Variants in FLVCR2 observed in about 807,000 individuals in gnomAD.
The protein encoded by FLVCR2 is choline/ethanolamine transporter FLVCR2.
FLVCR2 carries 38 observed loss-of-function variants against 48.9 expected under a neutral mutation model. The ratio of observed to expected loss-of-function variants is 0.78; its 90% CI spans 0.60 to 1.02. FLVCR2 has a LOEUF of 1.02. FLVCR2 is among the 50% of genes least tolerant of loss of function. FLVCR2 has a pLI of 0.00. For missense variants in FLVCR2, 664 were observed against 663.3 expected, an observed-to-expected ratio of 1.00 and a Z score of -0.01; for synonymous variants, 255 against 257.0, an observed-to-expected ratio of 0.99 and a Z score of 0.07.
intron 1 of FLVCR2, among the ~76,000 whole-genome samples, chr14:75,586,170 G>C (rs1398871054): frequency 6.6e-6 from 1 of 152,250 alleles, no homozygotes; most frequent in African/African-American, 2.4e-5. Flanking sequence ...TCCGAAAAAG[G>C]AGTCAGCAAA....
At chr14:75,633,017 G>C in intron 3 of FLVCR2, 1 of 701,528 alleles carries the variant, frequency 1.4e-6, no homozygotes, top group Non-Finnish European at 2.6e-6. Context: ...ATTCGCTAAA[G>C]ATACAGCCTT....
intron 1 of FLVCR2, among the ~76,000 whole-genome samples, chr14:75,585,396 T>C (rs1222035741): frequency 6.6e-6 from 1 of 152,162 alleles, no homozygotes; most frequent in African/African-American, 2.4e-5. Flanking sequence ...CCAAGCGGGA[T>C]TGCAGAAGAA....
rs781206373 is a variant in FLVCR2, at chr14:75,579,029, C to A, written c.57C>A (p.Ser19=). Residue 19 remains serine (S), a synonymous_variant, in exon 1 of 10, where the codon TCC becomes TCA. Transcript: ENST00000238667. The part of the protein sequence containing the change: ...EESDDTPVPE[S]ALQADPSVSV... ...GCGATGACACCCCTGTGCCGGAGTC[C>A]GCACTCCAAGCGGACCCCAGCGTCT... is the stretch of plus-strand genomic sequence containing the variant. 6.2e-7 allele frequency: 1 copy of A among 1,614,076 alleles called. No homozygotes were observed. Among genetic ancestry groups the A allele is most frequent in the Non-Finnish European group, 8.5e-7 (1 of 1,180,014 alleles).
At chr14:75,608,416 C>T (rs543297239) in intron 1 of FLVCR2, among the ~76,000 whole-genome samples, 8 of 152,290 alleles carry the variant, frequency 5.3e-5, no homozygotes, top group Non-Finnish European at 1.2e-4. Flanking sequence ...TGCAGAGGGG[C>T]CTTTTGCCAG....
At chr14:75,601,239 C>T (rs1732306697) in intron 1 of FLVCR2, among the ~76,000 whole-genome samples, 1 of 152,398 alleles carries the variant, frequency 6.6e-6, no homozygotes, top group South Asian at 2.1e-4. Context: ...TTGTTTGTGG[C>T]TTAAGAATGC....
chr14:75,639,817 G>A (rs1259437736), intron 6 of FLVCR2, among the ~76,000 whole-genome samples: 1 of 152,150 alleles, frequency 6.6e-6, no homozygotes, highest in African/African-American at 2.4e-5. Context: ...CTGCCTACCT[G>A]TTAGACCATG....
In FLVCR2 at chr14:75,614,838, C is replaced by T. The variant is rs557397862; in HGVS notation, c.670-7241C>T. Among the ~76,000 whole-genome samples the T allele has an allele frequency of 3.1e-4, 47 of 152,056 alleles. 1 individual carries two copies. The highest frequency in any genetic ancestry group is 6.8e-3 in the Middle Eastern group (2 of 294). On this transcript the variant is annotated intron_variant, in intron 1 of 9. Coordinates refer to ENST00000238667, the MANE Select transcript of FLVCR2 (RefSeq NM_017791.3). ...TCTTACATGGTGGTAGGCAAGAGAG[C>T]GAGAGAGAGAGCGTCTGAAGGAGGA...
At chr14:75,584,422 C>G (rs372624988) in intron 1 of FLVCR2, among the ~76,000 whole-genome samples, 3 of 152,252 alleles carry the variant, frequency 2.0e-5, no homozygotes, top group South Asian at 2.1e-4. Context: ...GAGAATAAGG[C>G]GCCTTCCGGC....
chr14:75,631,714 G>C (rs1446640774), intron 3 of FLVCR2: 10 of 454,800 alleles, frequency 2.2e-5, no homozygotes, highest in Admixed American at 7.1e-5. Flanking sequence ...ATGGGAAGAC[G>C]GGAGGAGACT....
intron 1 of FLVCR2, among the ~76,000 whole-genome samples, chr14:75,589,905 A>AGC (rs1317897409): frequency 1.3e-5 from 2 of 152,216 alleles, no homozygotes; most frequent in African/African-American, 2.4e-5. Context: ...GTTCTGAGGC[A>AGC]GCTCTGGACA....
In FLVCR2 at chr14:75,639,449, G is replaced by C; in HGVS notation, c.1222G>C (p.Ala408Pro). 1.2e-6 allele frequency: 2 copies of C among 1,610,200 alleles called. No homozygotes were observed. The highest frequency in any genetic ancestry group is 1.7e-6 in the Non-Finnish European group (2 of 1,176,394). The change falls in exon 6 of 10, where the codon GCT becomes CCT. Residue 408 changes from alanine to proline, a missense_variant. By Grantham distance (27) the Ala-to-Pro change is conservative. Coordinates refer to ENST00000238667, the MANE Select transcript of FLVCR2 (RefSeq NM_017791.3). ...LGHLWVVFIT[A>P]GTMGFFMTGY... is the part of the protein sequence containing the mutation. ...ACACCTGTGGGTAGTGTTCATCACTGCTGGCACAATGGGGTAAGTTTCACC... is the reference window on the plus strand; with the variant it reads ...ACACCTGTGGGTAGTGTTCATCACTCCTGGCACAATGGGGTAAGTTTCACC...
chr14:75,638,583 T>G (rs548406990), intron 5 of FLVCR2, among the ~76,000 whole-genome samples: 1 of 152,200 alleles, frequency 6.6e-6, no homozygotes, highest in Non-Finnish European at 1.5e-5. Context: ...ACAAGCAGAA[T>G]TGGACAGCTT....
chr14:75,641,151 C>A, intron 7 of FLVCR2, 31 bp from the exon 8 acceptor site: 1 of 1,573,872 alleles, frequency 6.4e-7, no homozygotes, highest in East Asian at 2.2e-5. Flanking sequence ...TGACTGGGCC[C>A]TTGTTTCCTA....
At chr14:75,612,967 G>T (rs2140028797) in intron 1 of FLVCR2, among the ~76,000 whole-genome samples, 1 of 152,312 alleles carries the variant, frequency 6.6e-6, no homozygotes, top group Admixed American at 6.5e-5. Flanking sequence ...GCTGGCCAAG[G>T]GGTAGAGAGC....
rs1890314243 is a variant in FLVCR2, at chr14:75,641,869, CAGAA to C, written c.1483_1486del (p.Lys495GlnfsTer61). 6.2e-7 allele frequency: 1 copy of C among 1,614,156 alleles called. No homozygotes were observed. Among genetic ancestry groups the C allele is most frequent in the Non-Finnish European group, 8.5e-7 (1 of 1,180,004 alleles). On this transcript the variant is annotated frameshift_variant, in exon 9 of 10. Coordinates refer to ENST00000238667, the MANE Select transcript of FLVCR2 (RefSeq NM_017791.3). LOFTEE classifies it high-confidence loss of function. ...ATTCATTAAGGCAGATCTCCGGAGA[CAGAA>C]AGCAAACAAAGAAACTCTTGAGAAC...
intron 1 of FLVCR2, among the ~76,000 whole-genome samples, chr14:75,594,566 T>C (rs889859527): frequency 6.6e-6 from 1 of 152,246 alleles, no homozygotes; most frequent in Admixed American, 6.5e-5. Context: ...AACCCATGAT[T>C]GAGGGGCTGC....
intron 6 of FLVCR2, chr14:75,640,587 GT>G: frequency 3.0e-6 from 1 of 336,304 alleles, no homozygotes. Flanking sequence ...TATCCAGGAA[GT>G]TCCCACTCCC....
chr14:75,635,066 AC>A (rs1890132904), intron 5 of FLVCR2, 53 bp downstream of exon 5: 1 of 1,180,884 alleles, frequency 8.5e-7, no homozygotes. Context: ...TTTTGAAATG[AC>A]ATATTCATAA....
At chr14:75,632,677 A>T (rs752129064) in intron 3 of FLVCR2, 7 of 702,020 alleles carry the variant, frequency 1.0e-5, no homozygotes, top group African/African-American at 3.5e-5. Flanking sequence ...CCTGACTTAC[A>T]CCCTTCCAAG....
Sources: gnomAD v4.1 joint callset for allele counts (sites outside exome capture counted in the v4.1 genomes callset) on GRCh38, gnomAD v4.1.1 for gene constraint, MANE v1.5 for transcripts, NCBI Gene and HGNC (gene_info 2026-07-23, HGNC 2026-07-21) for gene names.